Variants in ZNF362 observed in about 807,000 individuals in gnomAD.
ZNF362 encodes the protein rotund homolog.
Under a neutral mutation model 42.9 loss-of-function variants are expected in ZNF362, and 11 were observed. That is an observed-to-expected ratio of 0.26 (90% CI 0.16 to 0.42). The LOEUF (loss-of-function observed/expected upper bound fraction) is 0.42. Among genes scored for constraint, ZNF362 ranks in the 20% least tolerant of loss-of-function variants. The pLI is 1.00. For missense variants in ZNF362, 362 were observed against 576.2 expected (o/e 0.63, Z 3.81); for synonymous variants, 255 against 257.3 (o/e 0.99, Z 0.09).
At chr1:33,174,438 C>A in the ZNF362 span, among the ~76,000 whole-genome samples, 1 of 152,190 alleles carries the variant, frequency 6.6e-6, no homozygotes, top group Non-Finnish European at 1.5e-5. Flanking sequence ...CTTGCCTTGA[C>A]CTCTCAAAGT....
the ZNF362 span, among the ~76,000 whole-genome samples, chr1:33,203,363 A>C: frequency 2.6e-5 from 4 of 152,178 alleles, no homozygotes; most frequent in Non-Finnish European, 5.9e-5. Context: ...TTCTTTACCC[A>C]TTCATCCATC....
intron 1 of ZNF362, among the ~76,000 whole-genome samples, chr1:33,258,439 G>C (rs1025289977): frequency 6.6e-6 from 1 of 152,176 alleles, no homozygotes; most frequent in Non-Finnish European, 1.5e-5. Flanking sequence ...CCAGAGTCGG[G>C]GGTTGAAAGC....
At chr1:33,269,898 C>T (rs1002316394) in intron 1 of ZNF362, among the ~76,000 whole-genome samples, 2 of 152,166 alleles carry the variant, frequency 1.3e-5, no homozygotes, top group African/African-American at 2.4e-5. Context: ...CTGATGTACA[C>T]CTTCCTCAGT....
In ZNF362 at chr1:33,275,004, T is replaced by G. The variant is rs1000766215; in HGVS notation, c.39-1096T>G. ...CCTATAGCTACCATTCCAATAGGGG[T>G]TTCTCAAGCTCATAGAATCAGGAAA... is the stretch of plus-strand genomic sequence containing the variant. On this transcript the variant is annotated intron_variant, in intron 2 of 8. Coordinates refer to ENST00000539719, the MANE Select transcript of ZNF362 (RefSeq NM_152493.3). 11 of 985,060 alleles carry G rather than the reference T, an allele frequency of 1.1e-5. No homozygotes were observed. The African/African-American group carries it at 1.9e-4, about 17-fold the overall frequency. The allele number at this position is 985,060 out of a possible 1,614,324, so 61.0% of individuals were successfully genotyped here.
chr1:33,296,486 A>T (rs1397942207), intron 8 of ZNF362, among the ~76,000 whole-genome samples: 1 of 152,234 alleles, frequency 6.6e-6, no homozygotes, highest in South Asian at 2.1e-4. Context: ...GGGGGGCAAA[A>T]TCACCTCAAT....
At chr1:33,161,161 G>T in the ZNF362 span, among the ~76,000 whole-genome samples, 3 of 152,230 alleles carry the variant, frequency 2.0e-5, no homozygotes, top group Non-Finnish European at 2.9e-5. This position sits in a 1 kb window ranked among gnomAD's most constrained non-coding sequence, Gnocchi z 4.3. Flanking sequence ...ACTCCAAGGC[G>T]CAGAGAAAGA....
At chr1:33,260,961 A>G (rs1289357656) in intron 1 of ZNF362, among the ~76,000 whole-genome samples, 1 of 152,180 alleles carries the variant, frequency 6.6e-6, no homozygotes, top group Non-Finnish European at 1.5e-5. Flanking sequence ...TTAGAATCTT[A>G]CAAAGTGGAC....
At chr1:33,298,329 G>A (rs973305412) in intron 8 of ZNF362, among the ~76,000 whole-genome samples, 2 of 152,186 alleles carry the variant, frequency 1.3e-5, no homozygotes, top group Admixed American at 6.5e-5. Flanking sequence ...CAGCCTGGGC[G>A]ACACAGTGAG....
chr1:33,208,240 T>C, the ZNF362 span, among the ~76,000 whole-genome samples: 4 of 152,128 alleles, frequency 2.6e-5, no homozygotes, highest in Non-Finnish European at 2.9e-5. Flanking sequence ...TATCAGATGG[T>C]TGTAGACGTG....
the ZNF362 span, among the ~76,000 whole-genome samples, chr1:33,133,051 C>T: frequency 2.6e-5 from 4 of 152,236 alleles, no homozygotes; most frequent in Non-Finnish European, 1.5e-5. Context: ...TGGTAAGGTT[C>T]CCTGCGGAGG....
chr1:33,252,905 T>C (rs1645768849), upstream of ZNF362, among the ~76,000 whole-genome samples: 2 of 152,098 alleles, frequency 1.3e-5, no homozygotes, highest in African/African-American at 2.4e-5. Flanking sequence ...TTTGCAGAAT[T>C]GGAGAGGATG....
chr1:33,131,298 G>A, the ZNF362 span, among the ~76,000 whole-genome samples: 1 of 152,218 alleles, frequency 6.6e-6, no homozygotes, highest in Non-Finnish European at 1.5e-5. Flanking sequence ...GGACAAACAA[G>A]TAAACACACA....
chr1:33,254,972 C>A (rs1343889867), upstream of ZNF362, among the ~76,000 whole-genome samples: 1 of 152,222 alleles, frequency 6.6e-6, no homozygotes, highest in Non-Finnish European at 1.5e-5. Context: ...TTCCCCACCT[C>A]GCTCACCCCA....
At chr1:33,284,500 A>G (rs1029560355) in intron 6 of ZNF362, among the ~76,000 whole-genome samples, 1 of 152,220 alleles carries the variant, frequency 6.6e-6, no homozygotes, top group African/African-American at 2.4e-5. Context: ...TATTATTCCT[A>G]GTAGTTTTGT....
chr1:33,270,376 C>A, intron 1 of ZNF362, 111 bp from the exon 2 acceptor site: 1 of 539,396 alleles, frequency 1.9e-6, no homozygotes. Context: ...TGGGAAGATT[C>A]AGTGACATGA....
the ZNF362 span, chr1:33,181,339 G>T: frequency 1.3e-6 from 2 of 1,582,740 alleles, no homozygotes; most frequent in South Asian, 1.1e-5. This position sits in a 1 kb window ranked among gnomAD's most constrained non-coding sequence, Gnocchi z 6.5. Context: ...ATGCAGCGGC[G>T]GCAGAAGTAA....
chr1:33,149,617 G>A, the ZNF362 span, among the ~76,000 whole-genome samples: 1 of 150,276 alleles, frequency 6.7e-6, no homozygotes, highest in Non-Finnish European at 1.5e-5. Flanking sequence ...ACTATGCGCA[G>A]CTAATTTTTA....
chr1:33,148,230 C>T, the ZNF362 span, among the ~76,000 whole-genome samples: 2 of 152,130 alleles, frequency 1.3e-5, no homozygotes, highest in African/African-American at 2.4e-5. Flanking sequence ...ACACCTTCCC[C>T]GACTCCCAGT....
chr1:33,229,558 C>G, the ZNF362 span, among the ~76,000 whole-genome samples: 3 of 152,180 alleles, frequency 2.0e-5, no homozygotes, highest in South Asian at 2.1e-4. Flanking sequence ...AGGTGCCCAC[C>G]ACCACACCGG....
Sources: gnomAD v4.1 joint callset for allele counts (sites outside exome capture counted in the v4.1 genomes callset) on GRCh38, gnomAD v4.1.1 for gene constraint, Gnocchi (gnomAD v3.1) non-coding constraint, MANE v1.5 for transcripts, NCBI Gene and HGNC (gene_info 2026-07-23, HGNC 2026-07-21) for gene names.